Variants in MDGA2 observed in about 807,000 individuals in gnomAD.
The protein encoded by MDGA2 is MAM domain containing glycosylphosphatidylinositol anchor 2, also known as MAM domain-containing glycosylphosphatidylinositol anchor protein 2.
Under a neutral mutation model 117.8 loss-of-function variants are expected in MDGA2, and 40 were observed. The ratio of observed to expected loss-of-function variants is 0.34; its 90% CI spans 0.26 to 0.44. The LOEUF is 0.44. MDGA2 is among the 20% of genes least tolerant of loss of function. The probability of loss-of-function intolerance (pLI) is 1.00; values close to 1 mark genes in which losing one functional copy is unlikely to be tolerated. For missense variants in MDGA2, 1,123 were observed against 1,250.6 expected (o/e 0.90, Z 1.54); for synonymous variants, 452 against 439.0 (o/e 1.03, Z -0.37).
chr14:47,602,734 A>T (rs1896670890), intron 1 of MDGA2, among the ~76,000 whole-genome samples: 1 of 152,192 alleles, frequency 6.6e-6, no homozygotes, highest in African/African-American at 2.4e-5. Flanking sequence ...TGCAAACCAG[A>T]CAAAAGAGAG....
chr14:46,889,988 A>G (rs113580722), intron 10 of MDGA2, among the ~76,000 whole-genome samples: 13 of 152,100 alleles, frequency 8.5e-5, no homozygotes, highest in African/African-American at 3.1e-4. Context: ...GACCCACTCT[A>G]TTGTTCTTCT....
intron 3 of MDGA2, among the ~76,000 whole-genome samples, chr14:47,217,483 T>C (rs977525570): frequency 1.3e-5 from 2 of 152,032 alleles, no homozygotes; most frequent in Non-Finnish European, 1.5e-5. Context: ...TGGCACAGCA[T>C]TGTCCAGGGT....
At position 47,040,671 on chromosome 14, in the gene MDGA2, G is replaced by A. The variant is rs546373327; in HGVS notation, c.1526-5367C>T. ...CTCTTGCTGTCTTCTAGCACCCTCT[G>A]TCTGCCCCATGTGTTGAAACTCAGT... On this transcript the variant is annotated intron_variant, in intron 7 of 16. Transcript: ENST00000399232. Among the ~76,000 whole-genome samples, 152 of 152,250 alleles carry A rather than the reference G, an allele frequency of 1.0e-3. 1 individual carries two copies. Among genetic ancestry groups the A allele is most frequent in the African/African-American group, 3.5e-3 (144 of 41,556 alleles).
At chr14:47,502,143 C>T (rs946374766) in intron 1 of MDGA2, among the ~76,000 whole-genome samples, 13 of 152,022 alleles carry the variant, frequency 8.6e-5, no homozygotes, top group Admixed American at 5.9e-4. Flanking sequence ...AATAGCTGGG[C>T]CTGTAGCCTC....
chr14:47,326,190 AT>A (rs893729243), intron 1 of MDGA2, among the ~76,000 whole-genome samples: 4 of 152,306 alleles, frequency 2.6e-5, no homozygotes, highest in Non-Finnish European at 4.4e-5. Context: ...TCTGCAAGTC[AT>A]TTAGACATGT....
intron 1 of MDGA2, among the ~76,000 whole-genome samples, chr14:47,552,502 A>G (rs1393224773): frequency 6.6e-6 from 1 of 152,226 alleles, no homozygotes; most frequent in Non-Finnish European, 1.5e-5. Flanking sequence ...ACAGTATCCA[A>G]TCTTTCAGCA....
At chr14:47,353,260 G>T (rs1890922918) in intron 1 of MDGA2, among the ~76,000 whole-genome samples, 4 of 152,138 alleles carry the variant, frequency 2.6e-5, no homozygotes, top group Admixed American at 2.6e-4. Context: ...CAAAAGGAAA[G>T]GTGAAATGAA....
intron 1 of MDGA2, among the ~76,000 whole-genome samples, chr14:47,366,607 G>A (rs7150829): frequency 0.98 from 149,696 of 152,130 alleles, 73,700 homozygotes; most frequent in East Asian, 1. Flanking sequence ...AAAAGGGACA[G>A]TATAACATAT....
intron 1 of MDGA2, among the ~76,000 whole-genome samples, chr14:47,385,484 A>T (rs1891736054): frequency 6.6e-6 from 1 of 152,306 alleles, no homozygotes; most frequent in South Asian, 2.1e-4. Context: ...TATTTTCAAG[A>T]ATGGCAAATA....
intron 5 of MDGA2, among the ~76,000 whole-genome samples, chr14:47,112,036 T>C (rs1477662479): frequency 1.3e-5 from 2 of 152,034 alleles, no homozygotes; most frequent in African/African-American, 4.8e-5. Context: ...CTCTTTATCA[T>C]GAACCTGTAA....
chr14:46,965,601 G>T (rs1885996566), intron 8 of MDGA2, among the ~76,000 whole-genome samples: 1 of 152,084 alleles, frequency 6.6e-6, no homozygotes, highest in Non-Finnish European at 1.5e-5. Context: ...GTGCACTCAA[G>T]TCTGTCAATG....
chr14:47,573,596 G>A (rs943061628), intron 1 of MDGA2, among the ~76,000 whole-genome samples: 2 of 152,160 alleles, frequency 1.3e-5, no homozygotes, highest in African/African-American at 4.8e-5. Context: ...TACCTAATGT[G>A]CTCGGGTATT....
chr14:46,886,457 T>C (rs941654726), intron 10 of MDGA2, among the ~76,000 whole-genome samples: 2 of 152,226 alleles, frequency 1.3e-5, no homozygotes, highest in Admixed American at 6.6e-5. Context: ...TATAGCTATG[T>C]ACATATTAAA....
intron 5 of MDGA2, among the ~76,000 whole-genome samples, chr14:47,108,753 C>A (rs547568106): frequency 1.3e-5 from 2 of 152,098 alleles, no homozygotes; most frequent in Admixed American, 6.5e-5. Context: ...TCTCTTCACA[C>A]GGATGCGCAA....
intron 5 of MDGA2, among the ~76,000 whole-genome samples, chr14:47,119,203 C>A (rs1231082708): frequency 7.8e-6 from 1 of 127,548 alleles, no homozygotes; most frequent in Admixed American, 8.6e-5. Context: ...GTAGCTGGGA[C>A]TACAGGCACC....
In MDGA2 at chr14:46,840,188, T is replaced by G. The variant is rs1431613704; in HGVS notation, c.*1743A>C. On this transcript the variant is annotated 3_prime_UTR_variant, in exon 17 of 17. Coordinates refer to ENST00000399232, the MANE Select transcript of MDGA2 (RefSeq NM_001113498.3). Reference sequence around the variant, plus strand: ...CACAAACATTTCTACAGAATTGTTTTAAAAAACAAGCTTTGTCATTTTCCA... The same window carrying G: ...CACAAACATTTCTACAGAATTGTTTGAAAAAACAAGCTTTGTCATTTTCCA... The G allele has an allele frequency of 6.6e-6, 1 of 152,496 alleles. No homozygotes were observed. The highest frequency in any genetic ancestry group is 1.5e-5 in the Non-Finnish European group (1 of 67,958). 9.4% of individuals were successfully genotyped at this position (152,496 alleles called of 1,614,324 possible).
intron 1 of MDGA2, among the ~76,000 whole-genome samples, chr14:47,304,912 C>T (rs1039865214): frequency 6.6e-6 from 1 of 152,104 alleles, no homozygotes. Flanking sequence ...GTTCCTGATA[C>T]CTTCTTGGAT....
Position 46,882,067 on chromosome 14 carries a change from G to T in MDGA2, c.2393C>A (p.Thr798Lys). 1 of 1,608,970 alleles carries T rather than the reference G, an allele frequency of 6.2e-7. No individual in the cohort carries two copies. Among genetic ancestry groups the T allele is most frequent in the Non-Finnish European group, 8.5e-7 (1 of 1,176,968 alleles). ...PLTKFGEGDSTIRVIKYSAPV... is the reference protein window; with the variant it reads ...PLTKFGEGDSKIRVIKYSAPV... Reference sequence around the variant, plus strand: ...ACCACTATATTTGATCACACGAATTGTTGAATCTCCTTCACCAAATTTGGT... The same window carrying T: ...ACCACTATATTTGATCACACGAATTTTTGAATCTCCTTCACCAAATTTGGT... The change falls in exon 11 of 17, where the codon ACA (threonine) becomes AAA (lysine). Residue 798 changes from threonine (T) to lysine (K), a missense_variant. This residue lies in a region of MDGA2 where 890 missense variants were observed against 1,050.3 expected (regional missense o/e 0.85). Coordinates refer to ENST00000399232, the MANE Select transcript of MDGA2 (RefSeq NM_001113498.3).
intron 1 of MDGA2, among the ~76,000 whole-genome samples, chr14:47,465,048 C>G (rs1406227217): frequency 2.6e-5 from 4 of 152,098 alleles, no homozygotes. Flanking sequence ...AATAAGTCCA[C>G]ACACTTAGAA....
Sources: gnomAD v4.1 joint callset for allele counts (sites outside exome capture counted in the v4.1 genomes callset) on GRCh38, gnomAD v4.1.1 for gene constraint, gnomAD v4.1.1 regional missense constraint, MANE v1.5 for transcripts, NCBI Gene and HGNC (gene_info 2026-07-23, HGNC 2026-07-21) for gene names.